Variants in BPIFB4 observed in about 807,000 individuals in gnomAD.
BPIFB4 encodes BPI fold-containing family B member 4.
A neutral mutation model predicts 69.2 loss-of-function variants in BPIFB4; 62 were observed. That is an observed-to-expected ratio of 0.90 (90% CI 0.73 to 1.11). BPIFB4 has a LOEUF of 1.11. BPIFB4 is among the 50% of genes least tolerant of loss of function. BPIFB4 has a pLI of 0.00. For missense variants in BPIFB4, 789 were observed against 792.0 expected (o/e 1.00, Z 0.04); for synonymous variants, 330 against 332.7 (o/e 0.99, Z 0.09).
chr20:33,106,930 G>A (rs1468761883), intron 16 of BPIFB4, among the ~76,000 whole-genome samples: 1 of 152,206 alleles, frequency 6.6e-6, no homozygotes, highest in Non-Finnish European at 1.5e-5. Flanking sequence ...CCAGGGCCGG[G>A]CACAGTAGCT....
At chr20:33,098,975 C>T (rs533941557) in intron 13 of BPIFB4, among the ~76,000 whole-genome samples, 1 of 151,294 alleles carries the variant, frequency 6.6e-6, no homozygotes, top group East Asian at 1.9e-4. Flanking sequence ...CACAGTTACT[C>T]CCTTACTTCC....
chr20:33,108,872 C>T (rs1238522445), intron 17 of BPIFB4, among the ~76,000 whole-genome samples: 4 of 152,118 alleles, frequency 2.6e-5, no homozygotes, highest in Non-Finnish European at 5.9e-5. Context: ...GAACAAATTC[C>T]CAGAAATGGA....
At chr20:33,091,307 A>G (rs2146407660) in intron 10 of BPIFB4, among the ~76,000 whole-genome samples, 1 of 152,340 alleles carries the variant, frequency 6.6e-6, no homozygotes, top group East Asian at 1.9e-4. Flanking sequence ...GCCAATATCC[A>G]TGGTATCAAA....
At chr20:33,105,471 A>G (rs78279461) in intron 16 of BPIFB4, among the ~76,000 whole-genome samples, 5,253 of 152,214 alleles carry the variant, frequency 0.035, 146 homozygotes, top group African/African-American at 0.081. Flanking sequence ...TTATAAACAG[A>G]GTAGACTGAG....
chr20:33,099,687 ATACCCTT>A (rs1981853510), intron 13 of BPIFB4, among the ~76,000 whole-genome samples: 1 of 151,992 alleles, frequency 6.6e-6, no homozygotes, highest in Non-Finnish European at 1.5e-5. Context: ...CAAGTCCTAC[ATACCCTT>A]CAGTCCTCAG....
chr20:33,091,476 T>A (rs1205424694), intron 10 of BPIFB4, among the ~76,000 whole-genome samples: 15 of 152,246 alleles, frequency 9.9e-5, no homozygotes, highest in Non-Finnish European at 1.6e-4. Flanking sequence ...CGCACACATA[T>A]GTACTTTCCC....
intron 6 of BPIFB4, among the ~76,000 whole-genome samples, chr20:33,085,721 G>A (rs773422677): frequency 2.6e-4 from 39 of 152,212 alleles, no homozygotes; most frequent in Non-Finnish European, 5.3e-4. Flanking sequence ...GTGGGCTTCT[G>A]TGTGGACTTA....
chr20:33,082,009 T>G (rs1981245849), intron 3 of BPIFB4, among the ~76,000 whole-genome samples: 1 of 152,224 alleles, frequency 6.6e-6, no homozygotes, highest in African/African-American at 2.4e-5. Context: ...CTCAGAGAAC[T>G]GATATGAGAA....
chr20:33,105,648 G>A (rs1982027815), intron 16 of BPIFB4, among the ~76,000 whole-genome samples: 1 of 152,224 alleles, frequency 6.6e-6, no homozygotes, highest in African/African-American at 2.4e-5. Context: ...AGAAGACAAG[G>A]AGGGCTGGCA....
At position 33,088,931 on chromosome 20, in the gene BPIFB4, C is replaced by T. The variant is rs765161328; in HGVS notation, c.927-35C>T. ...AGCCTTGGTGAGCCCCACATGGCTG[C>T]GAGCCTTGACCTCATCCTGCTCCTG... On this transcript the variant is annotated intron_variant, in intron 7 of 17. Coordinates refer to ENST00000375483, the MANE Select transcript of BPIFB4 (RefSeq NM_182519.3). The T allele has an allele frequency of 1.9e-4, 312 of 1,612,290 alleles. 1 individual carries two copies. The highest frequency in any genetic ancestry group is 3.3e-4 in the South Asian group (30 of 90,990).
intron 13 of BPIFB4, 51 bp downstream of exon 13, chr20:33,097,838 C>T: frequency 6.6e-7 from 1 of 1,519,266 alleles, no homozygotes; most frequent in Non-Finnish European, 9.0e-7. Flanking sequence ...AAGACAGAGC[C>T]ACATGGTCTC....
intron 13 of BPIFB4, 32 bp from the exon 14 acceptor site, chr20:33,100,394 A>AGT (rs1324279449): frequency 6.5e-7 from 1 of 1,538,300 alleles, no homozygotes. Context: ...ACATGAAGGC[A>AGT]GTGACGTCTT....
intron 7 of BPIFB4, among the ~76,000 whole-genome samples, chr20:33,086,466 G>T (rs1469054690): frequency 6.6e-6 from 1 of 152,188 alleles, no homozygotes; most frequent in South Asian, 2.1e-4. Flanking sequence ...GATCTGAATG[G>T]TCAGGAGCAT....
At position 33,081,625 on chromosome 20, in the gene BPIFB4, G is replaced by A; in HGVS notation, c.99G>A (p.Leu33=). ...TCCTCAGGGTGACGAAAGATGTGTTGAGCAATGGTGAGTCCAGCCCCAAAG... is the reference window on the plus strand; with the variant it reads ...TCCTCAGGGTGACGAAAGATGTGTTAAGCAATGGTGAGTCCAGCCCCAAAG... ...NTVLRVTKDV[L]SNAISGMLQQ... Residue 33 remains leucine (L), a synonymous_variant, in exon 3 of 18, where the codon TTG becomes TTA. Transcript: ENST00000375483. 1 of 1,551,640 alleles carries A rather than the reference G, an allele frequency of 6.4e-7. No homozygotes were observed. The highest frequency in any genetic ancestry group is 8.7e-7 in the Non-Finnish European group (1 of 1,147,010).
chr20:33,089,736 C>A (rs1825563146), intron 9 of BPIFB4, among the ~76,000 whole-genome samples, 178 bp downstream of exon 9: 1 of 152,060 alleles, frequency 6.6e-6, no homozygotes, highest in Admixed American at 6.6e-5. Context: ...AACACCCCCC[C>A]CGAGTACCAG....
intron 17 of BPIFB4, among the ~76,000 whole-genome samples, chr20:33,109,897 T>C (rs187035963): frequency 9.9e-4 from 150 of 152,168 alleles, no homozygotes; most frequent in Middle Eastern, 3.4e-3. Flanking sequence ...GCAGCTGCTA[T>C]TATTATTATT....
intron 17 of BPIFB4, among the ~76,000 whole-genome samples, chr20:33,108,541 G>A (rs1384272122): frequency 6.6e-6 from 1 of 151,110 alleles, no homozygotes; most frequent in Non-Finnish European, 1.5e-5. Flanking sequence ...CAGGGAATCA[G>A]TAGAGCATTG....
At chr20:33,110,672 C>T (rs912275939) in intron 17 of BPIFB4, among the ~76,000 whole-genome samples, 1 of 152,012 alleles carries the variant, frequency 6.6e-6, no homozygotes, top group Non-Finnish European at 1.5e-5. Context: ...TGGAATTCTA[C>T]CGAGGAAGAG....
Position 33,084,939 on chromosome 20 carries a change from T to C in BPIFB4, c.725T>C (p.Leu242Pro), listed in dbSNP as rs756667340. Residue 242 changes from leucine to proline, a missense_variant, in exon 6 of 18, where the codon CTG becomes CCG. Coordinates refer to ENST00000375483, the MANE Select transcript of BPIFB4 (RefSeq NM_182519.3). Reference sequence around the variant, plus strand: ...CTCCCTCGGGTGTCCGTGCGGCTCCTGCCCGGCGTGGGTGTCTACCTGAGC... The same window carrying C: ...CTCCCTCGGGTGTCCGTGCGGCTCCCGCCCGGCGTGGGTGTCTACCTGAGC... ...LTLPRVSVRLLPGVGVYLSLY... is the reference protein window; with the variant it reads ...LTLPRVSVRLPPGVGVYLSLY... The C allele has an allele frequency of 2.5e-6, 4 of 1,611,494 alleles. No individual in the cohort carries two copies. In the East Asian group the frequency reaches 6.7e-5, roughly 27 times the overall value.
Sources: allele counts gnomAD v4.1 joint callset (sites outside exome capture counted in the v4.1 genomes callset), GRCh38; gene constraint gnomAD v4.1.1; transcripts MANE v1.5; gene names NCBI Gene and HGNC (gene_info 2026-07-23, HGNC 2026-07-21).